RUSC1: variants seen among roughly 807,000 people sequenced by gnomAD.
RUSC1 encodes the protein RUN and SH3 domain containing 1, also known as AP-4 complex accessory subunit RUSC1.
In RUSC1, 40 loss-of-function variants were observed where a neutral mutation model predicts 72.1. The observed-to-expected ratio is 0.55, with a 90% CI of 0.43 to 0.72. RUSC1 has a LOEUF of 0.72. RUSC1 is among the 30% of genes least tolerant of loss of function. The pLI is 0.00. For missense variants in RUSC1, 1,092 were observed against 1,172.3 expected, an observed-to-expected ratio of 0.93 and a Z score of 1.00; for synonymous variants, 512 against 494.2, an observed-to-expected ratio of 1.04 and a Z score of -0.48.
intron 1 of RUSC1, 121 bp downstream of exon 1, chr1:155,321,112 G>C (rs778996504): frequency 3.6e-6 from 5 of 1,387,166 alleles, no homozygotes; most frequent in African/African-American, 1.5e-5. Flanking sequence ...CGATGGAGAC[G>C]AATGCGGAGA....
At position 155,326,786 on chromosome 1, in the gene RUSC1, C is replaced by G. The variant is rs746492259; in HGVS notation, c.2068C>G (p.Gln690Glu). 6.2e-7 allele frequency: 1 copy of G among 1,613,068 alleles called. No individual in the cohort carries two copies. Among genetic ancestry groups the G allele is most frequent in the Non-Finnish European group, 8.5e-7 (1 of 1,180,032 alleles). The part of the protein sequence containing the change: ...APPGPPPALQ[Q>E]TMQAMLHFGG... ...TCCAGGCCCACCTCCAGCTCTGCAG[C>G]AGACTATGCAAGCCATGCTGCACTT... Residue 690 changes from glutamine to glutamate, a missense_variant, in exon 8 of 10, where the codon CAG becomes GAG. Coordinates refer to ENST00000368352, the MANE Select transcript of RUSC1 (RefSeq NM_001105203.2). This position sits in a 1 kb window ranked among gnomAD's most constrained non-coding sequence, Gnocchi z 4.7.
At chr1:155,323,151 G>A in intron 2 of RUSC1, 21 bp downstream of exon 2, 1 of 1,402,014 alleles carries the variant, frequency 7.1e-7, no homozygotes, top group Non-Finnish European at 9.2e-7. Flanking sequence ...GCAAGAAGCG[G>A]GAGGAGGGCT....
In RUSC1 at chr1:155,321,700, G is replaced by A; in HGVS notation, c.-74G>A. The A allele has an allele frequency of 6.4e-7, 1 of 1,565,268 alleles. No homozygotes were observed. The highest frequency in any genetic ancestry group is 8.7e-7 in the Non-Finnish European group (1 of 1,142,900). ...CTCTGTCTTCTAGGTCTGCACCTGTGGTTGCCAGGTAGGTGGATGTGAGAG... is the reference window on the plus strand; with the variant it reads ...CTCTGTCTTCTAGGTCTGCACCTGTAGTTGCCAGGTAGGTGGATGTGAGAG... On this transcript the variant is annotated 5_prime_UTR_variant, in exon 2 of 10. Coordinates refer to ENST00000368352, the MANE Select transcript of RUSC1 (RefSeq NM_001105203.2).
At chr1:155,327,985 A>T (rs1651591467) in intron 8 of RUSC1, among the ~76,000 whole-genome samples, 165 bp from the exon 9 acceptor site, 1 of 152,130 alleles carries the variant, frequency 6.6e-6, no homozygotes, top group South Asian at 2.1e-4. Flanking sequence ...CATCAGCCTA[A>T]AAGTGCCTGT....
Position 155,325,390 on chromosome 1 carries a change from C to T in RUSC1, c.1608C>T (p.His536=). The part of the protein sequence containing the change: ...LVLTTLCPAL[H]ALVADGLKPF... ...TGACCACCCTCTGCCCGGCCCTCCA[C>T]GCCCTGGTGGCGGACGGGCTGAAGC... is the stretch of plus-strand genomic sequence containing the variant. The change falls in exon 5 of 10, where the codon CAC becomes CAT. Residue 536 remains histidine (H), a synonymous_variant. Transcript: ENST00000368352. The surrounding 1 kb of genome is among the most constrained non-coding windows in gnomAD (Gnocchi z 6.5). 10 of 1,594,116 alleles carry T rather than the reference C, an allele frequency of 6.3e-6. No homozygotes were observed. Among genetic ancestry groups the T allele is most frequent in the Non-Finnish European group, 8.5e-6 (10 of 1,174,436 alleles).
Position 155,325,157 on chromosome 1 carries a change from C to T in RUSC1, c.1512C>T (p.Ala504=). The stretch of plus-strand genomic sequence containing the variant: ...ATAAAATCATCTCGCATTTCGGGGC[C>T]GCCCGGAACTTGGTGCAGAAGGTGA... ...SVDKIISHFG[A]ARNLVQKAQL... is the part of the protein sequence containing the mutation. Residue 504 remains alanine (A), a synonymous_variant, in exon 4 of 10, where the codon GCC becomes GCT. Transcript: ENST00000368352. This position sits in a 1 kb window ranked among gnomAD's most constrained non-coding sequence, Gnocchi z 6.5. 1 of 1,614,236 alleles carries T rather than the reference C, an allele frequency of 6.2e-7. No homozygotes were observed. The highest frequency in any genetic ancestry group is 8.5e-7 in the Non-Finnish European group (1 of 1,180,044).
At chr1:155,321,237 C>T in intron 1 of RUSC1, 2 of 1,360,100 alleles carry the variant, frequency 1.5e-6, no homozygotes, top group Non-Finnish European at 2.0e-6. Flanking sequence ...CCTCTCCAGC[C>T]CCCACCCCTT....
At chr1:155,321,555 G>T (rs1158511923) in intron 1 of RUSC1, 133 bp from the exon 2 acceptor site, 1 of 1,324,720 alleles carries the variant, frequency 7.5e-7, no homozygotes, top group Non-Finnish European at 1.0e-6. Flanking sequence ...AGTCGATTGC[G>T]ATTTGCATCT....
chr1:155,324,568 G>A (rs768119802), intron 2 of RUSC1: 6 of 1,577,472 alleles, frequency 3.8e-6, no homozygotes, highest in Non-Finnish European at 4.3e-6. Context: ...TCCCGCTCCC[G>A]GAGTTCCGGG....
chr1:155,322,192 C>G lies in RUSC1; in HGVS notation c.419C>G (p.Pro140Arg), dbSNP rs758203331. Residue 140 changes from proline to arginine, a missense_variant, in exon 2 of 10, where the codon CCC becomes CGC. By Grantham distance (103) the Pro-to-Arg change is moderately radical. Coordinates refer to ENST00000368352, the MANE Select transcript of RUSC1 (RefSeq NM_001105203.2). ...GCCCACCCTCAGCCCAGTATCATCC[C>G]CCTGGAGCAGGGCTCCCCACTGGCT... is the stretch of plus-strand genomic sequence containing the variant. The part of the protein sequence containing the change: ...EDAHPQPSII[P>R]LEQGSPLASA... 6.2e-7 allele frequency: 1 copy of G among 1,607,536 alleles called. No individual in the cohort carries two copies. The highest frequency in any genetic ancestry group is 1.1e-5 in the South Asian group (1 of 90,360).
chr1:155,325,672 A>G lies in RUSC1; in HGVS notation c.1814A>G (p.Asn605Ser). Residue 605 changes from asparagine to serine, a missense_variant and splice_region_variant, in exon 6 of 10, where the codon AAC becomes AGC. By Grantham distance (46) the Asn-to-Ser change is conservative. Transcript: ENST00000368352. The surrounding 1 kb of genome is among the most constrained non-coding windows in gnomAD (Gnocchi z 6.5). ...CATGCCTTTATCCTGGGCCTCCTCAAGTGAGTTGCCTTCTTTCCAGTGCCC... is the reference window on the plus strand; with the variant it reads ...CATGCCTTTATCCTGGGCCTCCTCAGGTGAGTTGCCTTCTTTCCAGTGCCC... ...RFHAFILGLL[N>S]TKQLELWFSS... 1 of 1,613,722 alleles carries G rather than the reference A, an allele frequency of 6.2e-7. No homozygotes were observed. Among genetic ancestry groups the G allele is most frequent in the Non-Finnish European group, 8.5e-7 (1 of 1,179,898 alleles).
At chr1:155,329,724 C>A (rs534707397) in intron 9 of RUSC1, among the ~76,000 whole-genome samples, 5 of 146,044 alleles carry the variant, frequency 3.4e-5, no homozygotes, top group African/African-American at 5.0e-5. Context: ...GGCGGCCGGG[C>A]GTGGTGGATC....
Position 155,324,881 on chromosome 1 carries a change from C to T in RUSC1, c.1394C>T (p.Ala465Val). The T allele has an allele frequency of 1.2e-6, 2 of 1,614,244 alleles. No homozygotes were observed. The highest frequency in any genetic ancestry group is 1.7e-6 in the Non-Finnish European group (2 of 1,180,048). The change falls in exon 3 of 10, where the codon GCC becomes GTC. Residue 465 changes from alanine (A) to valine (V), a missense_variant. Transcript: ENST00000368352. ...SSWSFAGVPG[A>V]QRLWMAEAQS... Reference sequence around the variant, plus strand: ...TGGTCCTTCGCCGGTGTCCCCGGAGCCCAGCGGCTGTGGATGGCAGAAGCC... The same window carrying T: ...TGGTCCTTCGCCGGTGTCCCCGGAGTCCAGCGGCTGTGGATGGCAGAAGCC...
chr1:155,321,475 C>A lies in RUSC1; in HGVS notation c.-86-213C>A, dbSNP rs574550542. 9.6e-6 allele frequency: 14 copies of A among 1,464,300 alleles called. No individual in the cohort carries two copies. In the Admixed American group the frequency reaches 1.2e-4, roughly 12 times the overall value. 90.7% of individuals were successfully genotyped at this position (1,464,300 alleles called of 1,614,324 possible). A position where few individuals can be genotyped will look rare whatever the true frequency, so the allele number is the denominator to read the frequency against. On this transcript the variant is annotated intron_variant, in intron 1 of 9. Coordinates refer to ENST00000368352, the MANE Select transcript of RUSC1 (RefSeq NM_001105203.2). ...CCAGAGCGCAGCCGCGTTCTCTGACCCTCCCGGCTCCATTCCCGGGGGGTT... is the reference window on the plus strand; with the variant it reads ...CCAGAGCGCAGCCGCGTTCTCTGACACTCCCGGCTCCATTCCCGGGGGGTT...
Position 155,322,866 on chromosome 1 carries a change from C to T in RUSC1, c.1093C>T (p.Pro365Ser), listed in dbSNP as rs745926979. The T allele has an allele frequency of 5.6e-6, 9 of 1,612,920 alleles. No individual in the cohort carries two copies. The African/African-American group carries it at 1.2e-4, about 22-fold the overall frequency. ...GTCGCCGGGCGGCTCCTCGGCACCT[C>T]CTCGGGAAGTCACCACCTTCAAGGA... ...SGSPGGSSAPPREVTTFKELR... is the reference protein window; with the variant it reads ...SGSPGGSSAPSREVTTFKELR... Residue 365 changes from proline (P) to serine (S), a missense_variant, in exon 2 of 10, where the codon CCT (proline) becomes TCT (serine). Pro to Ser is a moderately conservative substitution (Grantham distance 74). Transcript: ENST00000368352.
intron 1 of RUSC1, 167 bp downstream of exon 1, chr1:155,321,158 C>G (rs1187840587): frequency 1.5e-6 from 2 of 1,375,724 alleles, no homozygotes; most frequent in African/African-American, 2.9e-5. Flanking sequence ...GGCGAGGGCG[C>G]AGGCTGGAGC....
At chr1:155,324,059 A>C in intron 2 of RUSC1, 1 of 1,111,504 alleles carries the variant, frequency 9.0e-7, no homozygotes, top group Non-Finnish European at 1.1e-6. Flanking sequence ...CCACCTGGGC[A>C]TAGTGGACGC....
In RUSC1 at chr1:155,325,815, C is replaced by G; in HGVS notation, c.1815-49C>G. On this transcript the variant is annotated intron_variant, in intron 6 of 9. Transcript: ENST00000368352. This position sits in a 1 kb window ranked among gnomAD's most constrained non-coding sequence, Gnocchi z 6.5. ...TCTCCCATCCTCCACCCAGAGAGGA[C>G]TGGAGTCCTCCACCTCCCTGAACTT... 1 of 1,606,896 alleles carries G rather than the reference C, an allele frequency of 6.2e-7. No homozygotes were observed. The highest frequency in any genetic ancestry group is 1.1e-5 in the South Asian group (1 of 90,914).
Position 155,321,675 on chromosome 1 carries a change from C to G in RUSC1, c.-86-13C>G, listed in dbSNP as rs1570881988. On this transcript the variant is annotated splice_polypyrimidine_tract_variant and intron_variant, in intron 1 of 9. Coordinates refer to ENST00000368352, the MANE Select transcript of RUSC1 (RefSeq NM_001105203.2). ...GTCCTCACTGGCCGGGCTTCACCAC[C>G]TCTGTCTTCTAGGTCTGCACCTGTG... 1 of 1,503,554 alleles carries G rather than the reference C, an allele frequency of 6.7e-7. No homozygotes were observed. Among genetic ancestry groups the G allele is most frequent in the Non-Finnish European group, 9.1e-7 (1 of 1,096,042 alleles). The allele number at this position is 1,503,554 out of a possible 1,614,324, so 93.1% of individuals were successfully genotyped here. A position where few individuals can be genotyped will look rare whatever the true frequency, so the allele number is the denominator to read the frequency against.
Sources: allele counts gnomAD v4.1 joint callset (sites outside exome capture counted in the v4.1 genomes callset), GRCh38; gene constraint gnomAD v4.1.1; non-coding constraint Gnocchi (gnomAD v3.1); transcripts MANE v1.5; gene names NCBI Gene and HGNC (gene_info 2026-07-23, HGNC 2026-07-21).